Variants in CNTNAP2 observed in about 807,000 individuals in gnomAD.
CNTNAP2 encodes contactin associated protein 2.
A neutral mutation model predicts 155.2 loss-of-function variants in CNTNAP2; 98 were observed. The observed-to-expected ratio is 0.63, with a 90% confidence interval of 0.54 to 0.75. The LOEUF is 0.75. CNTNAP2 is among the 30% of genes least tolerant of loss of function. The probability of loss-of-function intolerance (pLI) is 0.00; values close to 1 mark genes in which losing one functional copy is unlikely to be tolerated. For synonymous variants in CNTNAP2, 651 were observed against 631.2 expected (o/e 1.03, Z -0.47); for missense variants, 1,727 against 1,688.1 (o/e 1.02, Z -0.40).
At chr7:146,646,370 G>A (rs1432608769) in intron 1 of CNTNAP2, among the ~76,000 whole-genome samples, 2 of 152,072 alleles carry the variant, frequency 1.3e-5, no homozygotes, top group African/African-American at 2.4e-5. Context: ...ATATAAATTA[G>A]AACAAGCCAT....
intron 13 of CNTNAP2, among the ~76,000 whole-genome samples, chr7:147,858,488 G>A (rs1048448619): frequency 2.0e-5 from 3 of 152,260 alleles, no homozygotes; most frequent in Admixed American, 6.5e-5. Flanking sequence ...AAAACTGAAT[G>A]TTATTGAGAT....
At chr7:148,348,775 G>A (rs1244679966) in intron 21 of CNTNAP2, among the ~76,000 whole-genome samples, 1 of 152,236 alleles carries the variant, frequency 6.6e-6, no homozygotes, top group African/African-American at 2.4e-5. Context: ...TTTCATCTCA[G>A]TATGTATGAA....
chr7:148,036,919 T>C (rs1156711657), intron 15 of CNTNAP2, among the ~76,000 whole-genome samples: 6 of 152,094 alleles, frequency 3.9e-5, no homozygotes, highest in Non-Finnish European at 8.8e-5. Context: ...GTGACTGATA[T>C]CTAATAGCTA....
chr7:147,236,098 G>C (rs576179305), intron 8 of CNTNAP2, among the ~76,000 whole-genome samples: 1 of 152,032 alleles, frequency 6.6e-6, no homozygotes, highest in African/African-American at 2.4e-5. Context: ...GCAATTTCTT[G>C]TCACTACTGC....
chr7:147,771,573 T>C (rs547288502), intron 13 of CNTNAP2, among the ~76,000 whole-genome samples: 4 of 152,312 alleles, frequency 2.6e-5, no homozygotes, highest in African/African-American at 7.2e-5. Context: ...GCCTTCCACA[T>C]AGAGGCCACA....
At chr7:146,601,907 A>C (rs2129151900) in intron 1 of CNTNAP2, among the ~76,000 whole-genome samples, 1 of 152,226 alleles carries the variant, frequency 6.6e-6, no homozygotes, top group African/African-American at 2.4e-5. Context: ...AATGAACTAA[A>C]GTGGTAGCAA....
At chr7:146,916,162 T>G (rs575420561) in intron 3 of CNTNAP2, among the ~76,000 whole-genome samples, 3 of 152,204 alleles carry the variant, frequency 2.0e-5, no homozygotes, top group Non-Finnish European at 4.4e-5. Flanking sequence ...ATCCTTGTTA[T>G]GAGACCCACT....
chr7:148,141,673 T>C (rs1244399064), intron 16 of CNTNAP2, among the ~76,000 whole-genome samples: 1 of 152,216 alleles, frequency 6.6e-6, no homozygotes, highest in Non-Finnish European at 1.5e-5. Flanking sequence ...CACATATATA[T>C]TATTCCAGAT....
At chr7:147,530,118 A>G (rs1799404813) in intron 11 of CNTNAP2, among the ~76,000 whole-genome samples, 1 of 151,950 alleles carries the variant, frequency 6.6e-6, no homozygotes. Flanking sequence ...AAGAAAAAGA[A>G]GTTTAATTGG....
At chr7:146,517,070 C>G (rs574214307) in intron 1 of CNTNAP2, among the ~76,000 whole-genome samples, 6 of 151,980 alleles carry the variant, frequency 3.9e-5, no homozygotes, top group Non-Finnish European at 8.8e-5. Flanking sequence ...CTATGCTGCT[C>G]TAAGCACGGT....
intron 16 of CNTNAP2, among the ~76,000 whole-genome samples, chr7:148,134,191 G>A (rs918111235): frequency 6.6e-6 from 1 of 152,176 alleles, no homozygotes. Context: ...GCATCTCTGA[G>A]TTTGATTCCT....
chr7:146,608,127 T>C (rs979758701), intron 1 of CNTNAP2, among the ~76,000 whole-genome samples: 3 of 152,238 alleles, frequency 2.0e-5, no homozygotes, highest in Non-Finnish European at 2.9e-5. Context: ...AAATACTTTA[T>C]AAAGTATTTC....
chr7:147,992,683 A>T (rs1002591759), intron 15 of CNTNAP2, among the ~76,000 whole-genome samples: 1 of 152,232 alleles, frequency 6.6e-6, no homozygotes, highest in African/African-American at 2.4e-5. Context: ...CCAACACTTA[A>T]TCAAGAATCT....
In CNTNAP2 at chr7:148,368,959, C is replaced by G. The variant is rs367774040; in HGVS notation, c.3476-14690C>G. On this transcript the variant is annotated intron_variant, in intron 21 of 23. Coordinates refer to ENST00000361727, the MANE Select transcript of CNTNAP2 (RefSeq NM_014141.6). ...CCCAGGCCTGGTTTCGGGTCTGGTT[C>G]CTAGGCACTGGGCTACCTGCCTTTA... 2.8e-4 allele frequency among the ~76,000 whole-genome samples: 42 copies of G among 152,222 alleles called. No individual in the cohort carries two copies. In the South Asian group the frequency reaches 7.2e-3, roughly 26 times the overall value.
intron 2 of CNTNAP2, among the ~76,000 whole-genome samples, chr7:146,793,972 G>T (rs1174479989): frequency 6.6e-6 from 1 of 152,214 alleles, no homozygotes; most frequent in Admixed American, 6.5e-5. Flanking sequence ...TTGAGATTAT[G>T]TTGGGGTATG....
intron 8 of CNTNAP2, among the ~76,000 whole-genome samples, chr7:147,156,946 GTGC>G (rs1227659575): frequency 1.3e-5 from 2 of 152,046 alleles, no homozygotes; most frequent in African/African-American, 4.8e-5. Context: ...GAAAATACTT[GTGC>G]TTGTTTACCC....
intron 12 of CNTNAP2, among the ~76,000 whole-genome samples, chr7:147,574,564 T>C (rs1035594806): frequency 6.6e-6 from 1 of 152,132 alleles, no homozygotes; most frequent in Non-Finnish European, 1.5e-5. Context: ...TTTAGGACTC[T>C]CTCATCTGTT....
intron 8 of CNTNAP2, among the ~76,000 whole-genome samples, chr7:147,189,954 C>G (rs934180184): frequency 2.0e-4 from 31 of 152,126 alleles, no homozygotes; most frequent in Admixed American, 6.5e-4. Context: ...CCGTGTTAGC[C>G]AGGATGATCT....
Position 148,188,107 on chromosome 7 carries a change from G to T in CNTNAP2, c.3010+15629G>T, listed in dbSNP as rs117760750. ...CCCATGAGTTTAGATGGAAAAAATCGTGGGAGAGTAGGAATAGTTTAAGGA... is the reference window on the plus strand; with the variant it reads ...CCCATGAGTTTAGATGGAAAAAATCTTGGGAGAGTAGGAATAGTTTAAGGA... On this transcript the variant is annotated intron_variant, in intron 18 of 23. Coordinates refer to ENST00000361727, the MANE Select transcript of CNTNAP2 (RefSeq NM_014141.6). 4.3e-3 allele frequency among the ~76,000 whole-genome samples: 656 copies of T among 152,226 alleles called. 3 individuals carry two copies. Among genetic ancestry groups the T allele is most frequent in the Non-Finnish European group, 7.7e-3 (526 of 68,004 alleles).
Sources: gnomAD v4.1 joint callset for allele counts (sites outside exome capture counted in the v4.1 genomes callset) on GRCh38, gnomAD v4.1.1 for gene constraint, MANE v1.5 for transcripts, NCBI Gene and HGNC (gene_info 2026-07-23, HGNC 2026-07-21) for gene names.